Variants in ROBO2 observed in about 807,000 individuals in gnomAD.
ROBO2 encodes roundabout guidance receptor 2, also known as roundabout homolog 2.
ROBO2 carries 53 observed loss-of-function variants against 160.8 expected under a neutral mutation model. The ratio of observed to expected loss-of-function variants is 0.33; its 90% CI spans 0.26 to 0.41. The LOEUF is 0.41. Ranked by LOEUF, ROBO2 falls within the 10% of genes least tolerant of loss-of-function variation. The probability of loss-of-function intolerance (pLI) is 1.00; values close to 1 mark genes in which losing one functional copy is unlikely to be tolerated. For synonymous variants in ROBO2, 664 were observed against 611.7 expected (o/e 1.09, Z -1.26); for missense variants, 1,577 against 1,722.4 (o/e 0.92, Z 1.49).
chr3:76,209,525 C>T (rs916375759), intron 2 of ROBO2, among the ~76,000 whole-genome samples: 4 of 152,056 alleles, frequency 2.6e-5, no homozygotes, highest in African/African-American at 7.2e-5. Flanking sequence ...GTGGTATATA[C>T]AAAATGTTTA....
intron 2 of ROBO2, among the ~76,000 whole-genome samples, chr3:76,565,650 C>G (rs545302743): frequency 6.6e-6 from 1 of 152,298 alleles, no homozygotes; most frequent in East Asian, 1.9e-4. Context: ...TCTCCTGGGC[C>G]TTTACCTAAT....
At chr3:77,345,756 A>T (rs2067565646) in intron 2 of ROBO2, among the ~76,000 whole-genome samples, 1 of 152,180 alleles carries the variant, frequency 6.6e-6, no homozygotes, top group African/African-American at 2.4e-5. Flanking sequence ...CCTAGAATAA[A>T]TTATCAAGAC....
chr3:77,461,614 AAAT>A (rs2082250800), intron 2 of ROBO2, among the ~76,000 whole-genome samples: 1 of 151,972 alleles, frequency 6.6e-6, no homozygotes, highest in Non-Finnish European at 1.5e-5. Flanking sequence ...ATATCAAAGA[AAAT>A]AATATTTTAT....
At chr3:76,697,004 T>G (rs1354919029) in intron 2 of ROBO2, among the ~76,000 whole-genome samples, 2 of 152,190 alleles carry the variant, frequency 1.3e-5, no homozygotes, top group Non-Finnish European at 2.9e-5. Context: ...AAAGTATTTT[T>G]ATGTATAATT....
At chr3:77,592,817 G>C (rs1398180080) in intron 17 of ROBO2, among the ~76,000 whole-genome samples, 2 of 152,312 alleles carry the variant, frequency 1.3e-5, no homozygotes, top group Middle Eastern at 3.4e-3. Flanking sequence ...CTCCCAAAGT[G>C]CTGGGATTAC....
At chr3:77,231,658 A>T (rs1167694875) in intron 2 of ROBO2, among the ~76,000 whole-genome samples, 2 of 151,534 alleles carry the variant, frequency 1.3e-5, no homozygotes, top group Non-Finnish European at 2.9e-5. Flanking sequence ...GACAGACTTG[A>T]CTCTACTGTT....
chr3:76,488,302 T>C (rs1477921453), intron 2 of ROBO2, among the ~76,000 whole-genome samples: 1 of 152,150 alleles, frequency 6.6e-6, no homozygotes, highest in Non-Finnish European at 1.5e-5. Flanking sequence ...CATGGCTTTC[T>C]TCCACGCCCA....
At chr3:77,527,380 C>T in intron 6 of ROBO2, 23 bp from the exon 7 acceptor site, 1 of 1,286,940 alleles carries the variant, frequency 7.8e-7, no homozygotes, top group Non-Finnish European at 1.0e-6. Context: ...TATGTTCTCA[C>T]CACACCATTG....
At chr3:76,798,259 G>GGAAAGAAAGAAAGAAAGAAAGAAAGAAA (rs71104619) in intron 2 of ROBO2, among the ~76,000 whole-genome samples, 25 of 94,284 alleles carry the variant, frequency 2.7e-4, no homozygotes, top group South Asian at 1.9e-3. Context: ...AAAGAAAGAA[G>GGAAAGAAAGAAAGAAAGAAAGAAAGAAA]GAAAGAAAGA....
In ROBO2 at chr3:77,563,269, C is replaced by T. The variant is rs775505696; in HGVS notation, c.1622C>T (p.Ser541Phe). ...GTTACTAAGAACAGTGTCACCTTGT[C>T]CTGGCAGCCAGGTACCCCTGGAACC... The change falls in exon 11 of 26, where the codon TCC (serine) becomes TTC (phenylalanine). Residue 541 changes from serine to phenylalanine, a missense_variant. Physicochemically the swap from Ser to Phe is radical, Grantham distance 155. Coordinates refer to ENST00000461745, the Ensembl canonical transcript of ROBO2. 15 of 1,613,702 alleles carry T rather than the reference C, an allele frequency of 9.3e-6. No homozygotes were observed. Among genetic ancestry groups the T allele is most frequent in the Non-Finnish European group, 1.3e-5 (15 of 1,179,764 alleles).
At chr3:76,657,750 A>G (rs1366718818) in intron 2 of ROBO2, among the ~76,000 whole-genome samples, 2 of 140,306 alleles carry the variant, frequency 1.4e-5, no homozygotes, top group East Asian at 2.0e-4. Context: ...ATATTCATAT[A>G]TATGTATATA....
intron 2 of ROBO2, among the ~76,000 whole-genome samples, chr3:77,153,887 A>T (rs1243735624): frequency 2.0e-5 from 3 of 152,140 alleles, no homozygotes. Flanking sequence ...CTATAACAAG[A>T]CAATCACCTC....
At chr3:77,380,138 T>C (rs2073248930) in intron 2 of ROBO2, among the ~76,000 whole-genome samples, 1 of 152,206 alleles carries the variant, frequency 6.6e-6, no homozygotes, top group African/African-American at 2.4e-5. Context: ...GGAACACTTA[T>C]CAAAGTAGCT....
chr3:77,451,461 A>G (rs2081100223), intron 2 of ROBO2, among the ~76,000 whole-genome samples: 1 of 152,104 alleles, frequency 6.6e-6, no homozygotes, highest in Non-Finnish European at 1.5e-5. Flanking sequence ...CATGAGAAGA[A>G]AGTAATGCTA....
At chr3:77,107,184 T>G (rs1285898315) in intron 2 of ROBO2, among the ~76,000 whole-genome samples, 1 of 152,208 alleles carries the variant, frequency 6.6e-6, no homozygotes, top group African/African-American at 2.4e-5. Context: ...AAGAGCTCTG[T>G]CTCATGACCT....
intron 2 of ROBO2, among the ~76,000 whole-genome samples, chr3:77,264,811 G>A (rs1466924790): frequency 2.6e-5 from 4 of 152,106 alleles, no homozygotes; most frequent in African/African-American, 9.7e-5. Flanking sequence ...CTTCTGACAA[G>A]TCTGAATAGA....
At chr3:76,297,748 T>C (rs1332788041) in intron 2 of ROBO2, among the ~76,000 whole-genome samples, 1 of 121,070 alleles carries the variant, frequency 8.3e-6, no homozygotes, top group East Asian at 2.2e-4. Flanking sequence ...AAACAAACAT[T>C]AAAAATATAT....
At chr3:76,483,991 G>A (rs369742932) in intron 2 of ROBO2, among the ~76,000 whole-genome samples, 11 of 152,042 alleles carry the variant, frequency 7.2e-5, no homozygotes, top group East Asian at 1.9e-4. Context: ...TTGATTACAC[G>A]TCTTTGCTAT....
chr3:77,419,518 G>T (rs1192753705), intron 2 of ROBO2, among the ~76,000 whole-genome samples: 1 of 152,096 alleles, frequency 6.6e-6, no homozygotes, highest in Admixed American at 6.6e-5. Flanking sequence ...GCATAAATAT[G>T]AAATGATAGT....
Sources: gnomAD v4.1 joint callset for allele counts (sites outside exome capture counted in the v4.1 genomes callset) on GRCh38, gnomAD v4.1.1 for gene constraint, MANE v1.5 for transcripts, NCBI Gene and HGNC (gene_info 2026-07-23, HGNC 2026-07-21) for gene names.